PAG1: variants seen among roughly 807,000 people sequenced by gnomAD.
PAG1 encodes the protein phosphoprotein associated with glycosphingolipid-enriched microdomains 1.
PAG1 carries 23 observed loss-of-function variants against 31.7 expected under a neutral mutation model. That is an observed-to-expected ratio of 0.73 (90% CI 0.52 to 1.03). PAG1 has a LOEUF of 1.03. Ranked by LOEUF, PAG1 falls within the 50% of genes least tolerant of loss-of-function variation. The pLI, the probability that PAG1 is intolerant of heterozygous loss-of-function variation, is 0.00. For synonymous variants in PAG1, 214 were observed against 210.3 expected (o/e 1.02, Z -0.15); for missense variants, 473 against 540.7 (o/e 0.87, Z 1.24).
chr8:81,045,202 A>T (rs1330691858), intron 2 of PAG1, among the ~76,000 whole-genome samples: 2 of 152,210 alleles, frequency 1.3e-5, no homozygotes, highest in African/African-American at 4.8e-5. Flanking sequence ...TCATGTAATG[A>T]GGTAGAGTAT....
At chr8:81,023,548 T>A (rs1037616415) in intron 3 of PAG1, among the ~76,000 whole-genome samples, 3 of 150,870 alleles carry the variant, frequency 2.0e-5, no homozygotes, top group Admixed American at 6.6e-5. Context: ...ATATATATAT[T>A]TGTGTTTCAT....
At chr8:80,981,862 CTTTTTTTTT>C (rs57438015) in intron 7 of PAG1, among the ~76,000 whole-genome samples, 2 of 103,426 alleles carry the variant, frequency 1.9e-5, no homozygotes, top group African/African-American at 1.0e-4. Flanking sequence ...ATCTCACTTC[CTTTTTTTTT>C]TTTTTTTTTT....
At chr8:81,053,775 A>G (rs545501957) in intron 2 of PAG1, among the ~76,000 whole-genome samples, 6 of 152,286 alleles carry the variant, frequency 3.9e-5, no homozygotes, top group African/African-American at 1.4e-4. Flanking sequence ...AGGTTGGAAA[A>G]TGTTAATTTT....
intron 1 of PAG1, among the ~76,000 whole-genome samples, chr8:81,092,217 A>C (rs950590335): frequency 6.7e-6 from 1 of 149,802 alleles, no homozygotes; most frequent in African/African-American, 2.4e-5. Flanking sequence ...AAAAAAGGAA[A>C]AGAAAAAAAA....
chr8:81,092,451 A>G (rs1809464172), intron 1 of PAG1, among the ~76,000 whole-genome samples: 1 of 152,190 alleles, frequency 6.6e-6, no homozygotes, highest in Admixed American at 6.5e-5. Context: ...CAGTGAAGAA[A>G]TACATTTATT....
rs746132302 is a variant in PAG1 at position 80,993,253 on chromosome 8, C to A, written c.-26G>T. 8.6e-5 allele frequency: 137 copies of A among 1,588,406 alleles called. No individual in the cohort carries two copies. The East Asian group carries it at 1.6e-3, about 19-fold the overall frequency. Reference sequence around the variant, plus strand: ...GGCAGGAGCAGGCACTGGCACCAGCCGAGGGAATCAGTCAGTCCTTCAAAG... The same window carrying A: ...GGCAGGAGCAGGCACTGGCACCAGCAGAGGGAATCAGTCAGTCCTTCAAAG... On this transcript the variant is annotated 5_prime_UTR_variant, in exon 4 of 9. Transcript: ENST00000220597.
chr8:80,982,391 C>T (rs1807326371), intron 7 of PAG1, among the ~76,000 whole-genome samples: 2 of 152,280 alleles, frequency 1.3e-5, no homozygotes, highest in Middle Eastern at 3.4e-3. Context: ...ACACGTTCTT[C>T]ACTGCCTTCC....
chr8:81,084,770 G>A (rs1193270985), intron 1 of PAG1, among the ~76,000 whole-genome samples: 1 of 152,142 alleles, frequency 6.6e-6, no homozygotes, highest in Non-Finnish European at 1.5e-5. Flanking sequence ...TGTACATTAT[G>A]AGTGTCAGTC....
chr8:81,059,586 T>G (rs1158252700), intron 2 of PAG1, among the ~76,000 whole-genome samples: 3 of 152,038 alleles, frequency 2.0e-5, no homozygotes, highest in Non-Finnish European at 2.9e-5. Context: ...CTACCTGCAA[T>G]TATGTCAAAT....
At chr8:81,073,907 TG>T (rs1023406645) in intron 1 of PAG1, among the ~76,000 whole-genome samples, 3 of 150,828 alleles carry the variant, frequency 2.0e-5, no homozygotes, top group Admixed American at 1.3e-4. Context: ...GACCTGAAGG[TG>T]GGGGGGAGGC....
chr8:81,083,817 T>C (rs935951292), intron 1 of PAG1, among the ~76,000 whole-genome samples: 7 of 151,636 alleles, frequency 4.6e-5, no homozygotes, highest in Non-Finnish European at 1.0e-4. Context: ...GGTAGATCAC[T>C]TGAGGTCAGG....
intron 1 of PAG1, among the ~76,000 whole-genome samples, chr8:81,079,710 C>CTTA (rs142749932): frequency 0.066 from 9,959 of 151,520 alleles, 1,088 homozygotes; most frequent in African/African-American, 0.22. Flanking sequence ...AGAAGAAATA[C>CTTA]TTATTATTAT....
At chr8:80,988,056 G>A (rs1807462911) in intron 5 of PAG1, among the ~76,000 whole-genome samples, 1 of 152,208 alleles carries the variant, frequency 6.6e-6, no homozygotes, top group Admixed American at 6.5e-5. Context: ...CAGCACTGCA[G>A]AAAGTTCTAT....
chr8:81,013,425 T>C (rs1808018640), intron 3 of PAG1, among the ~76,000 whole-genome samples: 1 of 152,132 alleles, frequency 6.6e-6, no homozygotes, highest in South Asian at 2.1e-4. Context: ...CGCAAGGCTA[T>C]ACTCTCCATT....
intron 5 of PAG1, among the ~76,000 whole-genome samples, chr8:80,989,426 C>T (rs758060418): frequency 2.0e-5 from 3 of 152,062 alleles, no homozygotes; most frequent in Non-Finnish European, 4.4e-5. Context: ...ATGAAGAATC[C>T]GCAAGTTGTA....
At chr8:81,110,086 C>T (rs1214848413) in intron 1 of PAG1, among the ~76,000 whole-genome samples, 2 of 152,112 alleles carry the variant, frequency 1.3e-5, no homozygotes, top group South Asian at 2.1e-4. Context: ...AAATAAGGTG[C>T]CTATAACTAG....
intron 1 of PAG1, among the ~76,000 whole-genome samples, chr8:81,094,122 TTTC>T (rs1809490454): frequency 6.6e-6 from 1 of 152,128 alleles, no homozygotes; most frequent in East Asian, 1.9e-4. Flanking sequence ...AGGAAAATGT[TTTC>T]TTGTCTTTTT....
intron 2 of PAG1, among the ~76,000 whole-genome samples, chr8:81,063,167 G>A (rs1261428501): frequency 6.6e-6 from 1 of 152,216 alleles, no homozygotes; most frequent in Non-Finnish European, 1.5e-5. Context: ...GGCCTGGGCA[G>A]GGCCATTCCA....
intron 1 of PAG1, among the ~76,000 whole-genome samples, chr8:81,087,349 A>G (rs1809376681): frequency 6.6e-6 from 1 of 151,978 alleles, no homozygotes; most frequent in Non-Finnish European, 1.5e-5. Context: ...CTCAAAAAAA[A>G]AAAAAAAAAA....
Sources: gnomAD v4.1 joint callset for allele counts (sites outside exome capture counted in the v4.1 genomes callset) on GRCh38, gnomAD v4.1.1 for gene constraint, MANE v1.5 for transcripts, NCBI Gene and HGNC (gene_info 2026-07-23, HGNC 2026-07-21) for gene names.